The following CDH13 variants were observed in gnomAD, a reference collection of about 807,000 sequenced individuals.
CDH13 encodes the protein cadherin-13.
In CDH13, 24 loss-of-function variants were observed where a neutral mutation model predicts 63.8. The ratio of observed to expected loss-of-function variants is 0.38; its 90% CI spans 0.27 to 0.53. The LOEUF (loss-of-function observed/expected upper bound fraction) is 0.53, where lower values mean the gene tolerates loss of function less well. CDH13 is among the 20% of genes least tolerant of loss of function. The pLI is 0.85. For missense variants in CDH13, 1,049 were observed against 903.1 expected, an observed-to-expected ratio of 1.16 and a Z score of -2.07; for synonymous variants, 503 against 355.3, an observed-to-expected ratio of 1.42 and a Z score of -4.67.
At chr16:82,967,079 G>T (rs1410937147) in intron 2 of CDH13, among the ~76,000 whole-genome samples, 1 of 152,130 alleles carries the variant, frequency 6.6e-6, no homozygotes, top group Non-Finnish European at 1.5e-5. Flanking sequence ...TCGTGACCAT[G>T]ACATAGTTGA....
intron 2 of CDH13, among the ~76,000 whole-genome samples, chr16:82,926,780 A>G (rs1279098856): frequency 6.6e-6 from 1 of 152,190 alleles, no homozygotes; most frequent in Non-Finnish European, 1.5e-5. Context: ...TGGGGTTTTC[A>G]TCTCAGCCAT....
At chr16:83,436,509 A>T (rs1013910918) in intron 6 of CDH13, among the ~76,000 whole-genome samples, 1 of 152,136 alleles carries the variant, frequency 6.6e-6, no homozygotes, top group Admixed American at 6.5e-5. Flanking sequence ...TAATGACCCA[A>T]GTACTGTGTT....
chr16:83,742,203 C>T (rs1160806386), intron 10 of CDH13, among the ~76,000 whole-genome samples: 2 of 152,238 alleles, frequency 1.3e-5, no homozygotes, highest in African/African-American at 4.8e-5. Context: ...TGCCTGGAAG[C>T]TTTCTTCCCT....
chr16:83,261,342 T>C lies in CDH13; in HGVS notation c.636+43845T>C, dbSNP rs529723319. Reference sequence around the variant, plus strand: ...CCTCGATAAGCCAGCTGTTCTCAATTGGGGATGACTTTACCCTTCAGGGGA... The same window carrying C: ...CCTCGATAAGCCAGCTGTTCTCAATCGGGGATGACTTTACCCTTCAGGGGA... On this transcript the variant is annotated intron_variant, in intron 5 of 13. Transcript: ENST00000567109. Among the ~76,000 whole-genome samples the C allele has an allele frequency of 3.9e-5, 6 of 152,240 alleles. No individual in the cohort carries two copies. The East Asian group carries it at 9.7e-4, about 25-fold the overall frequency.
intron 1 of CDH13, among the ~76,000 whole-genome samples, chr16:82,785,197 G>A (rs1480311137): frequency 6.6e-6 from 1 of 152,122 alleles, no homozygotes; most frequent in Non-Finnish European, 1.5e-5. Flanking sequence ...TGTTGAAATA[G>A]GAAGGGGAAG....
At chr16:83,532,166 T>C (rs767131172) in intron 7 of CDH13, among the ~76,000 whole-genome samples, 6 of 152,172 alleles carry the variant, frequency 3.9e-5, no homozygotes, top group Non-Finnish European at 5.9e-5. Flanking sequence ...TGAAGCCTCC[T>C]CAACCACAAG....
intron 2 of CDH13, among the ~76,000 whole-genome samples, chr16:82,991,925 C>G (rs139984039): frequency 1.3e-5 from 2 of 151,814 alleles, no homozygotes; most frequent in Non-Finnish European, 2.9e-5. Context: ...AGAACTTTTT[C>G]CATTAATCAA....
At chr16:82,856,818 A>G (rs2039722262) in intron 1 of CDH13, among the ~76,000 whole-genome samples, 2 of 152,112 alleles carry the variant, frequency 1.3e-5, no homozygotes, top group South Asian at 2.1e-4. Flanking sequence ...TGAGTTATCA[A>G]GCTAGATTCT....
At chr16:83,560,657 G>A (rs72793451) in intron 7 of CDH13, among the ~76,000 whole-genome samples, 10,020 of 152,244 alleles carry the variant, frequency 0.066, 377 homozygotes, top group Non-Finnish European at 0.088. Context: ...ATGGTCATTG[G>A]TCCCTGGGCC....
At chr16:82,946,789 A>G (rs1383919125) in intron 2 of CDH13, among the ~76,000 whole-genome samples, 2 of 152,188 alleles carry the variant, frequency 1.3e-5, no homozygotes, top group Non-Finnish European at 2.9e-5. Flanking sequence ...TATCTGATTT[A>G]TGGTTCACTA....
chr16:83,289,502 G>C (rs1403297664), intron 5 of CDH13, among the ~76,000 whole-genome samples: 2 of 152,184 alleles, frequency 1.3e-5, no homozygotes, highest in African/African-American at 4.8e-5. Flanking sequence ...AGCCTGCGTT[G>C]AGAAGCACTG....
chr16:82,783,199 C>G (rs1288349892), intron 1 of CDH13, among the ~76,000 whole-genome samples: 2 of 152,226 alleles, frequency 1.3e-5, no homozygotes. Flanking sequence ...ATAGCCAGAC[C>G]TGCTCAGCTC....
intron 1 of CDH13, among the ~76,000 whole-genome samples, chr16:82,640,196 C>A (rs926722819): frequency 6.6e-6 from 1 of 152,198 alleles, no homozygotes; most frequent in Non-Finnish European, 1.5e-5. Context: ...TTGTCCACCA[C>A]ACCCTCTTGG....
At chr16:82,891,969 CTTTG>C (rs1329237129) in intron 2 of CDH13, among the ~76,000 whole-genome samples, 1 of 152,092 alleles carries the variant, frequency 6.6e-6, no homozygotes, top group Non-Finnish European at 1.5e-5. Flanking sequence ...CCTTTTGATC[CTTTG>C]TTTGTAAATC....
intron 4 of CDH13, among the ~76,000 whole-genome samples, chr16:83,146,206 A>AAAG (rs1555603449): frequency 3.4e-5 from 5 of 147,760 alleles, no homozygotes; most frequent in African/African-American, 1.3e-4. Flanking sequence ...AAAAAAAAAA[A>AAAG]AAAAGAAAAG....
intron 7 of CDH13, among the ~76,000 whole-genome samples, chr16:83,529,236 G>A (rs947170449): frequency 1.3e-5 from 2 of 151,948 alleles, no homozygotes; most frequent in Non-Finnish European, 2.9e-5. Flanking sequence ...CAGTGTACGT[G>A]GATTGGAATC....
At chr16:82,749,776 A>G (rs116544229) in intron 1 of CDH13, among the ~76,000 whole-genome samples, 2,302 of 151,344 alleles carry the variant, frequency 0.015, 56 homozygotes, top group African/African-American at 0.054. Context: ...TTCCTTCCTC[A>G]CTTGTTTCTT....
intron 1 of CDH13, among the ~76,000 whole-genome samples, chr16:82,843,437 A>G (rs11641036): frequency 0.65 from 98,571 of 152,096 alleles, 32,564 homozygotes; most frequent in East Asian, 0.87. Context: ...AAGAAAAGAC[A>G]TGTATTCATA....
chr16:83,408,648 ATAT>A (rs1303459754), intron 6 of CDH13, among the ~76,000 whole-genome samples: 4 of 152,232 alleles, frequency 2.6e-5, no homozygotes, highest in Non-Finnish European at 4.4e-5. Context: ...ATTGACTGAT[ATAT>A]TGTTATCCAG....
Sources: gnomAD v4.1 joint callset for allele counts (sites outside exome capture counted in the v4.1 genomes callset) on GRCh38, gnomAD v4.1.1 for gene constraint, MANE v1.5 for transcripts, NCBI Gene and HGNC (gene_info 2026-07-23, HGNC 2026-07-21) for gene names.